Variants in PPP1R13B observed in about 807,000 individuals in gnomAD.
PPP1R13B encodes the protein apoptosis-stimulating of p53 protein 1.
In PPP1R13B, 44 loss-of-function variants were observed where a neutral mutation model predicts 119.8. The observed-to-expected ratio is 0.37, with a 90% CI of 0.29 to 0.47. The LOEUF (loss-of-function observed/expected upper bound fraction) is 0.47, where lower values mean the gene tolerates loss of function less well. Among genes scored for constraint, PPP1R13B ranks in the 20% least tolerant of loss-of-function variants. The probability of loss-of-function intolerance (pLI) is 0.99; values close to 1 mark genes in which losing one functional copy is unlikely to be tolerated. For missense variants in PPP1R13B, 1,227 were observed against 1,413.5 expected (o/e 0.87, Z 2.12); for synonymous variants, 542 against 561.5 (o/e 0.97, Z 0.49).
At chr14:103,749,383 C>T (rs555478313) in intron 8 of PPP1R13B, among the ~76,000 whole-genome samples, 8 of 152,276 alleles carry the variant, frequency 5.3e-5, no homozygotes, top group South Asian at 2.1e-4. Flanking sequence ...CAACAACTCA[C>T]GGGGCAGGTA....
chr14:103,788,427 T>C (rs779268768), intron 2 of PPP1R13B, among the ~76,000 whole-genome samples: 8 of 152,212 alleles, frequency 5.3e-5, no homozygotes, highest in Admixed American at 2.0e-4. Flanking sequence ...TTCATTGTAA[T>C]TTTAGTGTAA....
intron 1 of PPP1R13B, among the ~76,000 whole-genome samples, chr14:103,841,358 C>T (rs556354809): frequency 1.3e-5 from 2 of 151,916 alleles, no homozygotes; most frequent in African/African-American, 2.4e-5. Context: ...GAGGCCGAGG[C>T]GGGCAGATCA....
chr14:103,834,819 C>T (rs2086737966), intron 1 of PPP1R13B, among the ~76,000 whole-genome samples: 1 of 152,034 alleles, frequency 6.6e-6, no homozygotes, highest in African/African-American at 2.4e-5. Context: ...TCTTGAACTC[C>T]TGACCTCAGG....
At chr14:103,790,052 C>T (rs2085577959) in intron 2 of PPP1R13B, among the ~76,000 whole-genome samples, 2 of 151,688 alleles carry the variant, frequency 1.3e-5, no homozygotes, top group South Asian at 4.2e-4. Context: ...TCCAGACCAG[C>T]CTGGCCAACA....
intron 2 of PPP1R13B, among the ~76,000 whole-genome samples, chr14:103,791,743 T>A (rs949279562): frequency 6.6e-6 from 1 of 152,080 alleles, no homozygotes; most frequent in African/African-American, 2.4e-5. Context: ...ACAAACAAAA[T>A]ATATATATAG....
chr14:103,738,753 G>A lies in PPP1R13B; in HGVS notation c.2790C>T (p.Cys930=), dbSNP rs7152309. The A allele has an allele frequency of 1.2e-3, 1,859 of 1,614,194 alleles. 22 individuals are homozygous for A. The African/African-American group carries it at 0.022, about 19-fold the overall frequency. The change falls in exon 14 of 17, where the codon TGC becomes TGT. Residue 930 remains cysteine (C), a synonymous_variant. Transcript: ENST00000202556. This position sits in a 1 kb window ranked among gnomAD's most constrained non-coding sequence, Gnocchi z 5.6. ...EGITPLHNAV[C]AGHHHIVKFL... is the part of the protein sequence containing the mutation. ...ACTTCACGATGTGATGGTGGCCGGC[G>A]CAGACGGCGTTGTGCAGTGGGGTGA...
intron 3 of PPP1R13B, among the ~76,000 whole-genome samples, chr14:103,783,815 T>C (rs1371255497): frequency 6.6e-6 from 1 of 152,218 alleles, no homozygotes; most frequent in Non-Finnish European, 1.5e-5. Context: ...CCTTTCAAAG[T>C]GCTGAAATTA....
chr14:103,805,583 GGAAA>G (rs999642800), intron 1 of PPP1R13B, among the ~76,000 whole-genome samples: 5 of 150,168 alleles, frequency 3.3e-5, no homozygotes, highest in African/African-American at 1.2e-4. Context: ...AAAAAAGGAA[GGAAA>G]GAAGGAAGGA....
chr14:103,794,945 T>C (rs2085722461), intron 2 of PPP1R13B, among the ~76,000 whole-genome samples: 1 of 152,088 alleles, frequency 6.6e-6, no homozygotes, highest in South Asian at 2.1e-4. Context: ...TACTACATTA[T>C]GTTTGTTTGT....
intron 4 of PPP1R13B, among the ~76,000 whole-genome samples, chr14:103,772,359 A>G (rs992091936): frequency 7.2e-5 from 11 of 152,252 alleles, no homozygotes; most frequent in Non-Finnish European, 1.3e-4. Flanking sequence ...TAAATATTTA[A>G]GAGTAGAGTT....
chr14:103,768,489 G>C (rs996545618), intron 4 of PPP1R13B, among the ~76,000 whole-genome samples: 1 of 152,100 alleles, frequency 6.6e-6, no homozygotes, highest in Non-Finnish European at 1.5e-5. Flanking sequence ...AGTAGAGACA[G>C]GGTTTCACCA....
intron 1 of PPP1R13B, among the ~76,000 whole-genome samples, chr14:103,839,115 C>T (rs547940425): frequency 6.6e-6 from 1 of 152,222 alleles, no homozygotes; most frequent in East Asian, 1.9e-4. Context: ...CAGGTTCAAG[C>T]GATTCTCCTG....
intron 15 of PPP1R13B, chr14:103,737,492 A>G: frequency 1.8e-6 from 1 of 563,576 alleles, no homozygotes; most frequent in South Asian, 2.9e-5. Context: ...GGGAGGATCA[A>G]TTGAGCCCGG....
intron 11 of PPP1R13B, 130 bp downstream of exon 11, chr14:103,741,660 A>C: frequency 7.5e-6 from 9 of 1,203,544 alleles, no homozygotes; most frequent in African/African-American, 6.1e-5. Flanking sequence ...CCAAGGCTGT[A>C]CTTTTATGTA....
intron 1 of PPP1R13B, among the ~76,000 whole-genome samples, chr14:103,835,425 C>CT (rs71126076): frequency 0.032 from 3,984 of 125,318 alleles, 172 homozygotes; most frequent in African/African-American, 0.1. Flanking sequence ...GCGCCCAGCA[C>CT]TTTTTTTTTT....
chr14:103,772,669 CTTT>C (rs1461430996), intron 4 of PPP1R13B, among the ~76,000 whole-genome samples: 3 of 144,116 alleles, frequency 2.1e-5, no homozygotes, highest in Non-Finnish European at 4.5e-5. Context: ...TCACCTGTTT[CTTT>C]TTCTTTTTTT....
intron 1 of PPP1R13B, among the ~76,000 whole-genome samples, chr14:103,816,476 C>T (rs1189457389): frequency 1.3e-5 from 2 of 149,186 alleles, no homozygotes; most frequent in African/African-American, 4.9e-5. Context: ...CAGCTGAGGT[C>T]GGGAGTTCGA....
intron 3 of PPP1R13B, among the ~76,000 whole-genome samples, chr14:103,781,941 C>T (rs1229592340): frequency 4.6e-5 from 7 of 152,120 alleles, no homozygotes; most frequent in Non-Finnish European, 8.8e-5. Context: ...CATGAGCCAC[C>T]GCGCCCGGCC....
chr14:103,738,154 T>C lies in PPP1R13B; in HGVS notation c.2865-294A>G, dbSNP rs1466483943. Among the ~76,000 whole-genome samples, 1 of 152,204 alleles carries C rather than the reference T, an allele frequency of 6.6e-6. No homozygotes were observed. The highest frequency in any genetic ancestry group is 1.5e-5 in the Non-Finnish European group (1 of 68,028). ...ACACACTGAAACACACATTTAAAAA[T>C]AGCTAAGATGTGAAATTTTATGTTA... On this transcript the variant is annotated intron_variant, in intron 14 of 16. Transcript: ENST00000202556. This position sits in a 1 kb window ranked among gnomAD's most constrained non-coding sequence, Gnocchi z 5.6.
Sources: gnomAD v4.1 joint callset for allele counts (sites outside exome capture counted in the v4.1 genomes callset) on GRCh38, gnomAD v4.1.1 for gene constraint, Gnocchi (gnomAD v3.1) non-coding constraint, MANE v1.5 for transcripts, NCBI Gene and HGNC (gene_info 2026-07-23, HGNC 2026-07-21) for gene names.